IQSEC1: variants seen among roughly 807,000 people sequenced by gnomAD.
IQSEC1 encodes IQ motif and SEC7 domain-containing protein 1.
Under a neutral mutation model 91.0 loss-of-function variants are expected in IQSEC1, and 31 were observed. The observed-to-expected ratio is 0.34, with a 90% CI of 0.26 to 0.46. IQSEC1 has a LOEUF of 0.46. Ranked by LOEUF, IQSEC1 falls within the 20% of genes least tolerant of loss-of-function variation. IQSEC1 has a pLI of 1.00. For synonymous variants in IQSEC1, 699 were observed against 662.6 expected, an observed-to-expected ratio of 1.05 and a Z score of -0.84; for missense variants, 1,388 against 1,575.6, an observed-to-expected ratio of 0.88 and a Z score of 2.02.
chr3:12,944,699 C>T (rs545945323), intron 1 of IQSEC1, among the ~76,000 whole-genome samples: 2 of 152,352 alleles, frequency 1.3e-5, no homozygotes, highest in Non-Finnish European at 2.9e-5. Context: ...GCCGGGCCTC[C>T]GCTCCTAAGA....
chr3:13,130,399 T>C (rs1295162213), intron 2 of IQSEC1, among the ~76,000 whole-genome samples: 1 of 147,584 alleles, frequency 6.8e-6, no homozygotes, highest in Admixed American at 6.7e-5. Flanking sequence ...ATTTTCCAAA[T>C]ATTTCTCTTT....
intron 2 of IQSEC1, among the ~76,000 whole-genome samples, chr3:13,086,464 C>A (rs940877086): frequency 5.3e-5 from 8 of 152,216 alleles, no homozygotes; most frequent in Admixed American, 4.6e-4. Flanking sequence ...GGCTGGGAAC[C>A]AGCGGGCGTC....
chr3:12,973,248 C>T (rs904494757), intron 1 of IQSEC1, among the ~76,000 whole-genome samples: 4 of 152,190 alleles, frequency 2.6e-5, no homozygotes, highest in Admixed American at 6.5e-5. Context: ...ATCCCTGCAA[C>T]GCAGCCACTC....
intron 1 of IQSEC1, among the ~76,000 whole-genome samples, chr3:12,963,035 A>T (rs1401464196): frequency 6.6e-6 from 1 of 152,280 alleles, no homozygotes; most frequent in Non-Finnish European, 1.5e-5. Flanking sequence ...TGAAGTACAC[A>T]GACCCTGAAG....
rs187541738 is a variant in IQSEC1 at position 13,241,536 on chromosome 3, C to T, written c.272+41175G>A. ...GCCCTTGAAGTCACAGCCTCTCCCT[C>T]GGGGACTGGTTTCCAGGCCAATGAG... On this transcript the variant is annotated intron_variant, in intron 1 of 15. Coordinates refer to the IQSEC1 transcript ENST00000648114. Among the ~76,000 whole-genome samples, 57 of 152,354 alleles carry T rather than the reference C, an allele frequency of 3.7e-4. No individual in the cohort carries two copies. The East Asian group carries it at 0.011, about 29-fold the overall frequency.
At chr3:13,027,371 C>T (rs1165396241) in intron 1 of IQSEC1, among the ~76,000 whole-genome samples, 2 of 152,134 alleles carry the variant, frequency 1.3e-5, no homozygotes, top group African/African-American at 4.8e-5. Context: ...GAAGAGCTTC[C>T]GCAAGTCCAT....
chr3:13,099,508 TG>T (rs1161492899), intron 2 of IQSEC1, among the ~76,000 whole-genome samples: 1 of 152,086 alleles, frequency 6.6e-6, no homozygotes, highest in African/African-American at 2.4e-5. Context: ...TGTCCCCGGG[TG>T]CATCTGTGGC....
chr3:13,004,070 T>C (rs1000804123), intron 1 of IQSEC1, among the ~76,000 whole-genome samples: 1 of 152,230 alleles, frequency 6.6e-6, no homozygotes, highest in Non-Finnish European at 1.5e-5. Context: ...CTTACAACTC[T>C]TAAAGAATCC....
intron 2 of IQSEC1, among the ~76,000 whole-genome samples, chr3:12,939,007 G>A (rs927947689): frequency 1.6e-4 from 24 of 152,296 alleles, no homozygotes; most frequent in African/African-American, 4.3e-4. Context: ...AGGCCCGGTC[G>A]AAAAGTTTCC....
chr3:13,187,885 T>G (rs965589613), intron 1 of IQSEC1, among the ~76,000 whole-genome samples: 4 of 152,170 alleles, frequency 2.6e-5, no homozygotes, highest in African/African-American at 9.7e-5. Context: ...GAGGCCTCTG[T>G]GTAACCTCTT....
chr3:13,212,810 G>A (rs1694470673), intron 1 of IQSEC1, among the ~76,000 whole-genome samples: 1 of 152,170 alleles, frequency 6.6e-6, no homozygotes, highest in Non-Finnish European at 1.5e-5. Context: ...GGTCACTGGT[G>A]TATCTTGTCT....
chr3:13,082,450 A>G (rs1428841553), intron 2 of IQSEC1, among the ~76,000 whole-genome samples: 2 of 152,144 alleles, frequency 1.3e-5, no homozygotes, highest in Non-Finnish European at 2.9e-5. Context: ...TCAGAGTGAG[A>G]CCAGCCTCTC....
intron 1 of IQSEC1, among the ~76,000 whole-genome samples, chr3:13,068,747 A>C: frequency 6.6e-6 from 1 of 151,354 alleles, no homozygotes; most frequent in Non-Finnish European, 1.5e-5. Context: ...CGGGGCCCCC[A>C]CTCTTCTCCT....
intron 1 of IQSEC1, among the ~76,000 whole-genome samples, chr3:12,943,241 C>T (rs560954146): frequency 1.3e-5 from 2 of 152,312 alleles, no homozygotes; most frequent in East Asian, 1.9e-4. Context: ...CCTCCTGTCC[C>T]TGCAATGTGC....
intron 1 of IQSEC1, among the ~76,000 whole-genome samples, chr3:13,046,140 C>T (rs1409659000): frequency 6.6e-6 from 1 of 152,228 alleles, no homozygotes; most frequent in Non-Finnish European, 1.5e-5. Flanking sequence ...GGCTCTGCCC[C>T]CGCAGTCTCG....
intron 1 of IQSEC1, among the ~76,000 whole-genome samples, chr3:12,985,052 C>G (rs537296891): frequency 6.6e-6 from 1 of 152,226 alleles, no homozygotes; most frequent in Non-Finnish European, 1.5e-5. Context: ...TCTCGATCTC[C>G]TGACCTCGTG....
intron 1 of IQSEC1, among the ~76,000 whole-genome samples, chr3:13,188,105 G>C (rs1229735787): frequency 6.6e-6 from 1 of 152,214 alleles, no homozygotes; most frequent in Non-Finnish European, 1.5e-5. Context: ...CCTGGCCTGT[G>C]CATCTGCCTT....
chr3:13,116,203 T>C (rs904319422), intron 2 of IQSEC1, among the ~76,000 whole-genome samples: 2 of 152,154 alleles, frequency 1.3e-5, no homozygotes, highest in South Asian at 2.1e-4. Flanking sequence ...CCAGGCCAGG[T>C]GCTGGCTGCG....
At chr3:13,074,932 G>A (rs1238515630), upstream of IQSEC1, among the ~76,000 whole-genome samples, 2 of 152,194 alleles carry the variant, frequency 1.3e-5, no homozygotes, top group Non-Finnish European at 2.9e-5. Context: ...GGTGGGACTA[G>A]GACCCCAGTC....
Sources: allele counts gnomAD v4.1 joint callset (sites outside exome capture counted in the v4.1 genomes callset), GRCh38; gene constraint gnomAD v4.1.1; transcripts MANE v1.5; gene names NCBI Gene and HGNC (gene_info 2026-07-23, HGNC 2026-07-21).